Variants in RPL3 observed in about 807,000 individuals in gnomAD.
RPL3 encodes large ribosomal subunit protein uL3.
RPL3 carries 3 observed loss-of-function variants against 46.0 expected under a neutral mutation model. The observed-to-expected ratio is 0.07, with a 90% confidence interval of 0.03 to 0.17. RPL3 has a LOEUF of 0.17. Among genes scored for constraint, RPL3 ranks in the 10% least tolerant of loss-of-function variants. The pLI is 1.00. For synonymous variants in RPL3, 224 were observed against 190.8 expected, an observed-to-expected ratio of 1.17 and a Z score of -1.43; for missense variants, 387 against 532.7, an observed-to-expected ratio of 0.73 and a Z score of 2.69.
At chr22:39,313,799 A>G (rs1922506401) in intron 7 of RPL3, 70 bp from the exon 8 acceptor site, 1 of 1,380,358 alleles carries the variant, frequency 7.2e-7, no homozygotes. Context: ...CTCCAGGTTC[A>G]GGCCCTCCCT....
At chr22:39,313,952 G>A in intron 7 of RPL3, 155 bp downstream of exon 7, 1 of 841,098 alleles carries the variant, frequency 1.2e-6, no homozygotes, top group East Asian at 2.4e-5. Flanking sequence ...ACCCCGACGA[G>A]TGGACTCAGA....
chr22:39,313,039 C>A lies in RPL3; in HGVS notation c.1168-55G>T, dbSNP rs1193289512. The A allele has an allele frequency of 4.3e-6, 7 of 1,612,000 alleles. No individual in the cohort carries two copies. The East Asian group carries it at 1.3e-4, about 31-fold the overall frequency. On this transcript the variant is annotated intron_variant, in intron 9 of 9. Transcript: ENST00000216146. ...AGAAGATGACAGGTGACAGCAGATGCCCACTCTAGAGGAGACCAAGACTCT... is the reference window on the plus strand; with the variant it reads ...AGAAGATGACAGGTGACAGCAGATGACCACTCTAGAGGAGACCAAGACTCT...
chr22:39,318,284 G>A (rs1196561961), intron 2 of RPL3, 116 bp downstream of exon 2: 92 of 1,014,714 alleles, frequency 9.1e-5, no homozygotes, highest in South Asian at 3.0e-5. Flanking sequence ...TTCTGACAAC[G>A]TGTAACTCCT....
chr22:39,318,658 C>G (rs1476368271), intron 1 of RPL3, 66 bp from the exon 2 acceptor site: 4 of 1,361,948 alleles, frequency 2.9e-6, no homozygotes, highest in African/African-American at 2.9e-5. Flanking sequence ...TAGTTCCCAG[C>G]TGCTTAAGTT....
Position 39,316,853 on chromosome 22 carries a change from G to A in RPL3, c.366-12C>T. On this transcript the variant is annotated splice_polypyrimidine_tract_variant and intron_variant, in intron 3 of 9. Transcript: ENST00000216146. Reference sequence around the variant, plus strand: ...TCTTAGATTTATGCCTTCAGGAGCAGAGCAGAGTTGGGGAGGGGACCAGGT... The same window carrying A: ...TCTTAGATTTATGCCTTCAGGAGCAAAGCAGAGTTGGGGAGGGGACCAGGT... The A allele has an allele frequency of 1.9e-6, 3 of 1,613,646 alleles. No homozygotes were observed. Among genetic ancestry groups the A allele is most frequent in the Middle Eastern group, 3.3e-4 (2 of 6,060 alleles).
Position 39,315,522 on chromosome 22 carries a change from G to T in RPL3, c.535C>A (p.His179Asn), listed in dbSNP as rs750433888. 1.9e-6 allele frequency: 3 copies of T among 1,614,120 alleles called. No individual in the cohort carries two copies. The highest frequency in any genetic ancestry group is 2.5e-6 in the Non-Finnish European group (3 of 1,180,030). ...RLLPLRQKKA[H>N]LMEIQVNGGT... ...CCGTTCACCTGGATCTCCATCAGGT[G>T]GGCCTTCTTCTGGCGCAGAGGAAGC... Residue 179 changes from histidine to asparagine, a missense_variant, in exon 5 of 10, where the codon CAC becomes AAC. Physicochemically the swap from His to Asn is moderately conservative, Grantham distance 68. Transcript: ENST00000216146.
chr22:39,314,536 T>C, intron 6 of RPL3, 150 bp downstream of exon 6: 2 of 953,240 alleles, frequency 2.1e-6, no homozygotes, highest in Non-Finnish European at 3.1e-6. Context: ...ATCATCAAGA[T>C]GGGCCAGAAC....
chr22:39,317,701 CA>C, intron 2 of RPL3, 72 bp from the exon 3 acceptor site: 4 of 1,568,382 alleles, frequency 2.6e-6, no homozygotes, highest in Non-Finnish European at 3.5e-6. Flanking sequence ...TAGGAAAATG[CA>C]AAGTGCCCAT....
intron 3 of RPL3, chr22:39,317,075 T>C: frequency 4.6e-6 from 3 of 649,342 alleles, no homozygotes; most frequent in Non-Finnish European, 8.2e-6. Context: ...AACAAAATTC[T>C]TGCTCCGGGA....
intron 2 of RPL3, 35 bp from the exon 3 acceptor site, chr22:39,317,664 A>G (rs1447005443): frequency 1.2e-6 from 2 of 1,607,252 alleles, no homozygotes; most frequent in Non-Finnish European, 1.7e-6. Flanking sequence ...ACTTGGCAGG[A>G]GCCCAAGCAA....
At position 39,316,698 on chromosome 22, in the gene RPL3, G is replaced by C. The variant is rs776159609; in HGVS notation, c.501+8C>G. The stretch of plus-strand genomic sequence containing the variant: ...GCAGGCCAAGCCACCCCGGGGCACT[G>C]GGCTCACCTGGGTGTGGGCAATGAC... On this transcript the variant is annotated splice_region_variant and intron_variant, in intron 4 of 9. Coordinates refer to ENST00000216146, the MANE Select transcript of RPL3 (RefSeq NM_000967.4). 12 of 1,612,136 alleles carry C rather than the reference G, an allele frequency of 7.4e-6. No individual in the cohort carries two copies. In the South Asian group the frequency reaches 1.3e-4, roughly 18 times the overall value.
In RPL3 at chr22:39,312,960, C is replaced by A. The variant is rs141236265; in HGVS notation, c.1192G>T (p.Ala398Ser). ...TGGCATTAAGCTCCTTCTTCCTTTGCAATTCGGTCTTTCTTCAGTGGTCCC... is the reference window on the plus strand; with the variant it reads ...TGGCATTAAGCTCCTTCTTCCTTTGAAATTCGGTCTTTCTTCAGTGGTCCC... ...FMGPLKKDRI[A>S]KEEGA The change falls in exon 10 of 10, where the codon GCA becomes TCA. Residue 398 changes from alanine (A) to serine (S), a missense_variant. Physicochemically the swap from Ala to Ser is moderately conservative, Grantham distance 99 (BLOSUM62 1). Coordinates refer to ENST00000216146, the MANE Select transcript of RPL3 (RefSeq NM_000967.4). 1 of 1,614,058 alleles carries A rather than the reference C, an allele frequency of 6.2e-7. No homozygotes were observed.
intron 3 of RPL3, chr22:39,317,071 A>C: frequency 1.5e-6 from 1 of 654,880 alleles, no homozygotes; most frequent in Non-Finnish European, 2.7e-6. Flanking sequence ...TTCAAACAAA[A>C]TTCTTGCTCC....
intron 4 of RPL3, 33 bp from the exon 5 acceptor site, chr22:39,315,588 T>A: frequency 6.2e-7 from 1 of 1,611,226 alleles, no homozygotes; most frequent in Non-Finnish European, 8.5e-7. Flanking sequence ...CAGCTCCAGC[T>A]GCCAGCGCTC....
At chr22:39,317,651 C>T (rs747597624) in intron 2 of RPL3, 22 bp from the exon 3 acceptor site, 1 of 1,609,544 alleles carries the variant, frequency 6.2e-7, no homozygotes, top group African/African-American at 1.3e-5. Context: ...AAGCAGTAGT[C>T]AGACTTGGCA....
intron 2 of RPL3, chr22:39,318,189 G>T: frequency 3.7e-6 from 2 of 545,118 alleles, no homozygotes; most frequent in South Asian, 2.4e-5. Context: ...ACCCCACACC[G>T]CACCTAAAGC....
intron 2 of RPL3, chr22:39,317,892 A>T (rs1432644633): frequency 2.1e-6 from 1 of 484,772 alleles, no homozygotes; most frequent in East Asian, 3.4e-5. Context: ...GAGGCAGACA[A>T]GATTGCTATT....
At position 39,314,720 on chromosome 22, in the gene RPL3, T is replaced by G; in HGVS notation, c.815A>C (p.Lys272Thr). The G allele has an allele frequency of 6.2e-7, 1 of 1,613,570 alleles. No homozygotes were observed. Among genetic ancestry groups the G allele is most frequent in the Non-Finnish European group, 8.5e-7 (1 of 1,179,960 alleles). ...GATCTCAGTGCGGTGATGGTAGCCTTTCTGCCCAGCGCGTGCCACAGAGAA... is the reference window on the plus strand; with the variant it reads ...GATCTCAGTGCGGTGATGGTAGCCTGTCTGCCCAGCGCGTGCCACAGAGAA... ...VAFSVARAGQ[K>T]GYHHRTEINK... Residue 272 changes from lysine to threonine, a missense_variant, in exon 6 of 10, where the codon AAA (lysine) becomes ACA (threonine). Lys to Thr is a moderately conservative substitution (Grantham distance 78). Transcript: ENST00000216146.
chr22:39,317,896 T>C, intron 2 of RPL3: 1 of 477,234 alleles, frequency 2.1e-6, no homozygotes, highest in Non-Finnish European at 3.8e-6. Context: ...CAGACAAGAT[T>C]GCTATTTATC....
Sources: gnomAD v4.1 joint callset for allele counts on GRCh38, gnomAD v4.1.1 for gene constraint, MANE v1.5 for transcripts, NCBI Gene and HGNC (gene_info 2026-07-23, HGNC 2026-07-21) for gene names.